RBFOX1: variants seen among roughly 807,000 people sequenced by gnomAD.
RBFOX1 encodes RNA binding fox-1 homolog 1, also known as RNA binding protein fox-1 homolog 1.
Under a neutral mutation model 57.7 loss-of-function variants are expected in RBFOX1, and 8 were observed. That is an observed-to-expected ratio of 0.14 (90% confidence interval 0.08 to 0.25). The LOEUF is 0.25. RBFOX1 is among the 10% of genes least tolerant of loss of function. The pLI is 1.00. For missense variants in RBFOX1, 611 were observed against 548.5 expected, an observed-to-expected ratio of 1.11 and a Z score of -1.14; for synonymous variants, 326 against 222.4, an observed-to-expected ratio of 1.47 and a Z score of -4.15.
intron 4 of RBFOX1, among the ~76,000 whole-genome samples, chr16:7,389,189 G>C (rs1329051559): frequency 2.0e-5 from 3 of 152,110 alleles, no homozygotes; most frequent in East Asian, 1.9e-4. Context: ...GCAGTGGTGT[G>C]ATCACAGCTC....
intron 4 of RBFOX1, among the ~76,000 whole-genome samples, chr16:7,486,825 A>G (rs921717459): frequency 6.6e-6 from 1 of 152,202 alleles, no homozygotes; most frequent in Non-Finnish European, 1.5e-5. Flanking sequence ...CTCTTCCAGC[A>G]TCCGTCACCT....
chr16:6,529,006 A>G (rs554680341), intron 2 of RBFOX1, among the ~76,000 whole-genome samples: 24 of 152,272 alleles, frequency 1.6e-4, no homozygotes, highest in Admixed American at 2.6e-4. Flanking sequence ...CCTCCTTGGC[A>G]GGTGTGCAAG....
At position 7,062,892 on chromosome 16, in the gene RBFOX1, C is replaced by CTTTTTTTTTTTTTTTTTT. The variant is rs1491558284; in HGVS notation, c.27+10794_27+10795insTTTTTTTTTTTTTTTTTT. 2.0e-4 allele frequency among the ~76,000 whole-genome samples: 12 copies of CTTTTTTTTTTTTTTTTTT among 59,932 alleles called. 6 individuals carry two copies. Among genetic ancestry groups the CTTTTTTTTTTTTTTTTTT allele is most frequent in the Non-Finnish European group, 2.0e-4 (6 of 30,268 alleles). The allele number at this position is 59,932 out of a possible 152,430, so 39.3% of individuals were successfully genotyped here. ...TACCTCATCTCATTCAAATGATCGC[C>CTTTTTTTTTTTTTTTTTT]ATTTTTTTTTTTTTTTTTTTTTTTT... is the stretch of plus-strand genomic sequence containing the variant. On this transcript the variant is annotated intron_variant, in intron 4 of 15. Transcript: ENST00000550418.
In RBFOX1 at chr16:5,410,063, A is replaced by T. The variant is rs968964669; in HGVS notation, c.220-57153A>T. Among the ~76,000 whole-genome samples the T allele has an allele frequency of 3.8e-5, 5 of 132,506 alleles. No homozygotes were observed. In the East Asian group the frequency reaches 8.1e-4, roughly 21 times the overall value. The allele number at this position is 132,506 out of a possible 152,430, so 86.9% of individuals were successfully genotyped here. A position where few individuals can be genotyped will look rare whatever the true frequency, so the allele number is the denominator to read the frequency against. On this transcript the variant is annotated intron_variant, in intron 1 of 2. Transcript: ENST00000585867. ...ACTCCATCTCAAAAAAAAAAAAAAA[A>T]AAATAATAATCAACATGCAGCTGGG...
intron 4 of RBFOX1, among the ~76,000 whole-genome samples, chr16:5,984,928 C>T (rs1459244125): frequency 7.3e-6 from 1 of 137,180 alleles, no homozygotes; most frequent in South Asian, 2.4e-4. Flanking sequence ...AATGGTACAC[C>T]TGTATAGGGC....
chr16:5,439,687 C>G (rs1381692615), intron 1 of RBFOX1, among the ~76,000 whole-genome samples: 1 of 152,060 alleles, frequency 6.6e-6, no homozygotes, highest in African/African-American at 2.4e-5. Flanking sequence ...TCAAGTGATT[C>G]ACCCGCCTTG....
At chr16:6,096,533 A>G (rs1471942799) in intron 1 of RBFOX1, among the ~76,000 whole-genome samples, 3 of 152,182 alleles carry the variant, frequency 2.0e-5, no homozygotes, top group African/African-American at 7.2e-5. Context: ...GGCTGAAATA[A>G]GAGGCTTTGT....
chr16:7,098,321 C>T (rs112242163), intron 4 of RBFOX1, among the ~76,000 whole-genome samples: 39 of 152,266 alleles, frequency 2.6e-4, no homozygotes, highest in African/African-American at 6.0e-4. Flanking sequence ...AGGTGTGCAT[C>T]GCCATGCCTG....
intron 3 of RBFOX1, among the ~76,000 whole-genome samples, chr16:6,957,397 C>CCAT (rs201432594): frequency 0.016 from 2,426 of 152,104 alleles, 78 homozygotes; most frequent in African/African-American, 0.055. Context: ...CTGCGACTCA[C>CCAT]GCTCAGCCGG....
chr16:6,082,324 G>A (rs1597120916), intron 1 of RBFOX1, among the ~76,000 whole-genome samples: 1 of 128,330 alleles, frequency 7.8e-6, no homozygotes, highest in South Asian at 2.5e-4. Flanking sequence ...GGGATTACAT[G>A]TGCCTGTCAC....
intron 2 of RBFOX1, among the ~76,000 whole-genome samples, chr16:5,531,303 A>G (rs1035689015): frequency 6.6e-6 from 1 of 152,024 alleles, no homozygotes; most frequent in Admixed American, 6.6e-5. Context: ...AGACAGGGGT[A>G]CTTCACATTG....
intron 3 of RBFOX1, among the ~76,000 whole-genome samples, chr16:6,972,422 C>T (rs1037924486): frequency 4.6e-5 from 7 of 152,044 alleles, no homozygotes; most frequent in African/African-American, 1.4e-4. Context: ...GATGTTTCTT[C>T]GTTTTTCAAG....
At position 5,287,688 on chromosome 16, in the gene RBFOX1, G is replaced by T. The variant is rs149171900; in HGVS notation, c.219+47583G>T. ...CGCTGGAAGCTGCAGGCTGGCCTGG[G>T]CTTGCTCTCATGGTGATAGCAGGAG... On this transcript the variant is annotated intron_variant, in intron 1 of 2. Coordinates refer to the RBFOX1 transcript ENST00000585867. Among the ~76,000 whole-genome samples, 6 of 152,312 alleles carry T rather than the reference G, an allele frequency of 3.9e-5. No homozygotes were observed. In the East Asian group the frequency reaches 1.2e-3, roughly 29 times the overall value.
chr16:6,809,214 G>A (rs915117546), intron 3 of RBFOX1, among the ~76,000 whole-genome samples: 3 of 152,084 alleles, frequency 2.0e-5, no homozygotes, highest in South Asian at 2.1e-4. Context: ...CCTTGGCTAC[G>A]CTGGAGTCTC....
chr16:5,795,801 CT>C (rs1199549261), intron 3 of RBFOX1, among the ~76,000 whole-genome samples: 1 of 152,208 alleles, frequency 6.6e-6, no homozygotes, highest in Non-Finnish European at 1.5e-5. Context: ...TTCTCCCCTT[CT>C]GTTTACATTC....
At chr16:5,267,275 G>A (rs1321800442) in intron 1 of RBFOX1, among the ~76,000 whole-genome samples, 4 of 148,964 alleles carry the variant, frequency 2.7e-5, no homozygotes, top group African/African-American at 7.5e-5. Context: ...CATTAATTCT[G>A]TTACAAGGCC....
chr16:5,537,820 T>G (rs960629280), intron 2 of RBFOX1, among the ~76,000 whole-genome samples: 4 of 152,230 alleles, frequency 2.6e-5, no homozygotes, highest in Admixed American at 2.6e-4. Flanking sequence ...ATAATCTCCT[T>G]CTCTCAAGCT....
intron 3 of RBFOX1, among the ~76,000 whole-genome samples, chr16:6,685,093 T>A (rs759047544): frequency 3.9e-5 from 6 of 152,140 alleles, no homozygotes; most frequent in Non-Finnish European, 7.3e-5. Context: ...CCTCATCATT[T>A]CCCTATTTCC....
At chr16:6,499,396 A>T (rs149369645) in intron 2 of RBFOX1, among the ~76,000 whole-genome samples, 1 of 152,314 alleles carries the variant, frequency 6.6e-6, no homozygotes, top group African/African-American at 2.4e-5. Flanking sequence ...AGGTATGAAA[A>T]ATCTTAATTA....
Sources: gnomAD v4.1 joint callset for allele counts (sites outside exome capture counted in the v4.1 genomes callset) on GRCh38, gnomAD v4.1.1 for gene constraint, MANE v1.5 for transcripts, NCBI Gene and HGNC (gene_info 2026-07-23, HGNC 2026-07-21) for gene names.